RIOK3: variants seen among roughly 807,000 people sequenced by gnomAD.
RIOK3 encodes the protein serine/threonine-protein kinase RIO3.
In RIOK3, 40 loss-of-function variants were observed where a neutral mutation model predicts 63.5. The ratio of observed to expected loss-of-function variants is 0.63; its 90% CI spans 0.49 to 0.82. The LOEUF (loss-of-function observed/expected upper bound fraction) is 0.82, where lower values mean the gene tolerates loss of function less well. Among genes scored for constraint, RIOK3 ranks in the 40% least tolerant of loss-of-function variants. The pLI is 0.00. For missense variants in RIOK3, 557 were observed against 637.0 expected, an observed-to-expected ratio of 0.87 and a Z score of 1.35; for synonymous variants, 193 against 205.0, an observed-to-expected ratio of 0.94 and a Z score of 0.50.
At chr18:23,475,917 C>T (rs1277895767) in intron 9 of RIOK3, among the ~76,000 whole-genome samples, 2 of 136,416 alleles carry the variant, frequency 1.5e-5, no homozygotes, top group Non-Finnish European at 3.1e-5. Context: ...TGTGAGCTTT[C>T]ATGAATGTTA....
At chr18:23,464,667 T>C in intron 5 of RIOK3, 39 bp downstream of exon 5, 1 of 1,220,838 alleles carries the variant, frequency 8.2e-7, no homozygotes, top group Non-Finnish European at 1.2e-6. Context: ...ATTTAGAGTT[T>C]TGTTTGAATA....
chr18:23,453,545 G>A (rs762638216), intron 1 of RIOK3, 43 bp downstream of exon 1: 7 of 1,492,534 alleles, frequency 4.7e-6, no homozygotes, highest in Admixed American at 3.3e-5. Context: ...TGGTCACACG[G>A]GCTGGATCTC....
In RIOK3 at chr18:23,464,553, TGGAAAA is replaced by T; in HGVS notation, c.476_481del (p.Gly159_Lys160del). On this transcript the variant is annotated inframe_deletion, in exon 5 of 13. Coordinates refer to ENST00000339486, the MANE Select transcript of RIOK3 (RefSeq NM_003831.5). ...TTCCCACTCCTAAAAAGGGCTTTAT[TGGAAAA>T]GGAAAAGATATCACCACCAAACATG... 3 of 1,606,866 alleles carry T rather than the reference TGGAAAA, an allele frequency of 1.9e-6. No individual in the cohort carries two copies. Among genetic ancestry groups the T allele is most frequent in the Non-Finnish European group, 2.5e-6 (3 of 1,178,118 alleles).
chr18:23,458,127 A>T (rs1015256423), intron 1 of RIOK3, among the ~76,000 whole-genome samples: 10 of 150,076 alleles, frequency 6.7e-5, no homozygotes, highest in South Asian at 4.2e-4. Flanking sequence ...CTGGTGTCGA[A>T]CTCCTGAGCT....
At chr18:23,464,749 TA>T (rs2057395119) in intron 5 of RIOK3, 121 bp downstream of exon 5, 2 of 510,974 alleles carry the variant, frequency 3.9e-6, no homozygotes, top group East Asian at 6.8e-5. Flanking sequence ...AAGATGTTTT[TA>T]GATAACAATA....
chr18:23,480,571 A>G (rs1322133720), intron 12 of RIOK3, among the ~76,000 whole-genome samples: 1 of 151,610 alleles, frequency 6.6e-6, no homozygotes, highest in East Asian at 2.0e-4. Context: ...ACACACACAC[A>G]CACACACACA....
intron 12 of RIOK3, among the ~76,000 whole-genome samples, chr18:23,480,898 G>T (rs2057529351): frequency 1.3e-5 from 2 of 152,118 alleles, no homozygotes; most frequent in African/African-American, 4.8e-5. Context: ...ACCAGCCTGG[G>T]CAACATAGTG....
In RIOK3 at chr18:23,481,636, A is replaced by G. The variant is rs187327043; in HGVS notation, c.*357A>G. The G allele has an allele frequency of 1.2e-5, 2 of 171,602 alleles. No individual in the cohort carries two copies. Among genetic ancestry groups the G allele is most frequent in the Admixed American group, 1.2e-4 (2 of 16,046 alleles). 10.6% of individuals were successfully genotyped at this position (171,602 alleles called of 1,614,324 possible). ...GGGAGGAAAGGACAGATGTGTTTACAAGGGAGGATTTTACAACATACTTGC... is the reference window on the plus strand; with the variant it reads ...GGGAGGAAAGGACAGATGTGTTTACGAGGGAGGATTTTACAACATACTTGC... On this transcript the variant is annotated 3_prime_UTR_variant, in exon 13 of 13. Coordinates refer to ENST00000339486, the MANE Select transcript of RIOK3 (RefSeq NM_003831.5).
rs1298524596 is a variant in RIOK3, at chr18:23,453,515, C to G, written c.63+13C>G. The G allele has an allele frequency of 1.2e-6, 2 of 1,604,830 alleles. No homozygotes were observed. The highest frequency in any genetic ancestry group is 8.5e-7 in the Non-Finnish European group (1 of 1,171,822). Reference sequence around the variant, plus strand: ...GGGACCCAGCAAGGTAAGTGGCAGACGAGACTGGAGTACTAGCCTTGGTCA... The same window carrying G: ...GGGACCCAGCAAGGTAAGTGGCAGAGGAGACTGGAGTACTAGCCTTGGTCA... On this transcript the variant is annotated intron_variant, in intron 1 of 12. Transcript: ENST00000339486.
chr18:23,463,961 G>A lies in RIOK3; in HGVS notation c.180-6G>A. On this transcript the variant is annotated splice_region_variant and splice_polypyrimidine_tract_variant and intron_variant, in intron 2 of 12. Transcript: ENST00000339486. ...ACATTAGTTTATATTGCCTTATTTTGAATAGTGTTGCTGAAGGACCATTTA... is the reference window on the plus strand; with the variant it reads ...ACATTAGTTTATATTGCCTTATTTTAAATAGTGTTGCTGAAGGACCATTTA... The A allele has an allele frequency of 6.3e-7, 1 of 1,596,790 alleles. No homozygotes were observed. The highest frequency in any genetic ancestry group is 8.5e-7 in the Non-Finnish European group (1 of 1,174,438).
At chr18:23,468,668 C>CT (rs2057427398) in intron 7 of RIOK3, among the ~76,000 whole-genome samples, 1 of 152,198 alleles carries the variant, frequency 6.6e-6, no homozygotes, top group Non-Finnish European at 1.5e-5. Context: ...GTATCATAAT[C>CT]TGTACTTTGA....
intron 12 of RIOK3, among the ~76,000 whole-genome samples, 159 bp downstream of exon 12, chr18:23,479,583 CT>C (rs200137533): frequency 3.7e-4 from 54 of 145,628 alleles, no homozygotes; most frequent in South Asian, 4.3e-4. Flanking sequence ...TTCTTTTTTT[CT>C]TTTTTTTTTT....
At position 23,464,552 on chromosome 18, in the gene RIOK3, T is replaced by C; in HGVS notation, c.467T>C (p.Ile156Thr). ...KPVPTPKKGF[I>T]GKGKDITTKH... ...GTTCCCACTCCTAAAAAGGGCTTTA[T>C]TGGAAAAGGAAAAGATATCACCACC... is the stretch of plus-strand genomic sequence containing the variant. Residue 156 changes from isoleucine (I) to threonine (T), a missense_variant, in exon 5 of 13, where the codon ATT (isoleucine) becomes ACT (threonine). Physicochemically the swap from Ile to Thr is moderately conservative, Grantham distance 89. Transcript: ENST00000339486. 1 of 1,607,126 alleles carries C rather than the reference T, an allele frequency of 6.2e-7. No individual in the cohort carries two copies. The highest frequency in any genetic ancestry group is 1.1e-5 in the South Asian group (1 of 89,174).
At chr18:23,471,996 G>T (rs915980034) in intron 7 of RIOK3, among the ~76,000 whole-genome samples, 2 of 152,106 alleles carry the variant, frequency 1.3e-5, no homozygotes, top group African/African-American at 4.8e-5. Flanking sequence ...ACTTTTGGAG[G>T]CCAAGATGGG....
intron 5 of RIOK3, among the ~76,000 whole-genome samples, chr18:23,465,264 G>C (rs952700997): frequency 2.0e-5 from 3 of 152,024 alleles, no homozygotes; most frequent in African/African-American, 7.3e-5. Flanking sequence ...CCAGTTACTC[G>C]GGAGGCTGAG....
rs1436882201 is a variant in RIOK3 at position 23,481,772 on chromosome 18, T to A, written c.*493T>A. ...CTGTGGCCGTGATTCTAAAGGAAAA[T>A]GTGTGCTCTTTAGTGGGTAGAACAA... On this transcript the variant is annotated 3_prime_UTR_variant, in exon 13 of 13. Transcript: ENST00000339486. 6.6e-6 allele frequency: 1 copy of A among 152,336 alleles called. No homozygotes were observed. The highest frequency in any genetic ancestry group is 1.9e-4 in the East Asian group (1 of 5,204). 9.4% of individuals were successfully genotyped at this position (152,336 alleles called of 1,614,324 possible).
chr18:23,471,148 A>G (rs938675316), intron 7 of RIOK3, among the ~76,000 whole-genome samples: 3 of 152,238 alleles, frequency 2.0e-5, no homozygotes, highest in Admixed American at 2.0e-4. Flanking sequence ...ATAATAAACA[A>G]AAAATATCAG....
rs149653881 is a variant in RIOK3 at position 23,458,421 on chromosome 18, A to G, written c.64-4543A>G. On this transcript the variant is annotated intron_variant, in intron 1 of 12. Transcript: ENST00000339486. Reference sequence around the variant, plus strand: ...GGTGGCAGTTTTGCAAAGGAGAGGAAAACAGGGTGGGTCTTAGGGTTATTT... The same window carrying G: ...GGTGGCAGTTTTGCAAAGGAGAGGAGAACAGGGTGGGTCTTAGGGTTATTT... Among the ~76,000 whole-genome samples, 69 of 152,210 alleles carry G rather than the reference A, an allele frequency of 4.5e-4. 1 individual carries two copies. The East Asian group carries it at 0.012, about 27-fold the overall frequency.
At position 23,464,465 on chromosome 18, in the gene RIOK3, A is replaced by G. The variant is rs894619469; in HGVS notation, c.434-54A>G. 5.5e-6 allele frequency: 7 copies of G among 1,264,524 alleles called. No individual in the cohort carries two copies. In the African/African-American group the frequency reaches 7.5e-5, roughly 14 times the overall value. 78.3% of individuals were successfully genotyped at this position (1,264,524 alleles called of 1,614,324 possible). A position where few individuals can be genotyped will look rare whatever the true frequency, so the allele number is the denominator to read the frequency against. On this transcript the variant is annotated intron_variant, in intron 4 of 12. Transcript: ENST00000339486. ...TGTCTTTTCAGACAACGTTGAATGC[A>G]GCAATGTAGTCTTTGCTATTTTTAT...
Sources: gnomAD v4.1 joint callset for allele counts (sites outside exome capture counted in the v4.1 genomes callset) on GRCh38, gnomAD v4.1.1 for gene constraint, MANE v1.5 for transcripts, NCBI Gene and HGNC (gene_info 2026-07-23, HGNC 2026-07-21) for gene names.